The following ZNF443 variants were observed in gnomAD, a reference collection of about 807,000 sequenced individuals.
The protein encoded by ZNF443 is zinc finger protein 443, also known as Kruppel-type zinc finger (C2H2).
Under a neutral mutation model 12.0 loss-of-function variants are expected in ZNF443, and 3 were observed. The ratio of observed to expected loss-of-function variants is 0.25; its 90% confidence interval spans 0.11 to 0.64. The LOEUF is 0.64. Among genes scored for constraint, ZNF443 ranks in the 30% least tolerant of loss-of-function variants. The pLI is 0.84. For missense variants in ZNF443, 770 were observed against 808.8 expected (o/e 0.95, Z 0.58); for synonymous variants, 225 against 265.9 (o/e 0.85, Z 1.50).
Position 12,431,460 on chromosome 19 carries a change from T to C in ZNF443, c.712A>G (p.Ser238Gly). Reference sequence around the variant, plus strand: ...GTTCTTTCATGTCTTAGATAGGAACTGTAAAAAGAAAAGGCTTTAGAACAC... The same window carrying C: ...GTTCTTTCATGTCTTAGATAGGAACCGTAAAAAGAAAAGGCTTTAGAACAC... ...KQCSKAFSFY[S>G]SYLRHERTHT... Residue 238 changes from serine to glycine, a missense_variant, in exon 4 of 4, where the codon AGT becomes GGT. Ser to Gly is a moderately conservative substitution (Grantham distance 56). Around this residue, in one of 3 missense-constraint regions of ZNF443, gnomAD observed 736 missense variants for 689.4 expected, o/e 1.07. Transcript: ENST00000301547. 2 of 1,614,092 alleles carry C rather than the reference T, an allele frequency of 1.2e-6. No individual in the cohort carries two copies. The highest frequency in any genetic ancestry group is 1.6e-4 in the Middle Eastern group (1 of 6,062).
chr19:12,430,557 TC>T lies in ZNF443; in HGVS notation c.1614del (p.Ala540ProfsTer8). On this transcript the variant is annotated frameshift_variant, in exon 4 of 4. Transcript: ENST00000301547. LOFTEE classifies it low-confidence loss of function (END_TRUNC). Reference sequence around the variant, plus strand: ...AAGTTATCATAATGACCGAAGGCTTTCCTACATGTTTTACACTCATAAGGTT... The same window carrying T: ...AAGTTATCATAATGACCGAAGGCTTTCTACATGTTTTACACTCATAAGGTT... Reference protein sequence around the residue: ...GEKPYECKTCRKAFGHYDNLK... With the variant: ...GEKPYECKTCXKAFGHYDNLK... 1 of 1,614,118 alleles carries T rather than the reference TC, an allele frequency of 6.2e-7. No individual in the cohort carries two copies. Among genetic ancestry groups the T allele is most frequent in the Non-Finnish European group, 8.5e-7 (1 of 1,179,988 alleles).
rs199916813 is a variant in ZNF443 at position 12,430,894 on chromosome 19, A to G, written c.1278T>C (p.Cys426=). Residue 426 remains cysteine, a synonymous_variant, in exon 4 of 4, where the codon TGT becomes TGC. Coordinates refer to ENST00000301547, the MANE Select transcript of ZNF443 (RefSeq NM_005815.5). ...CACTGGGATAAACAAAGGCTTTCCC[A>G]CATACCTTGCATTTATGAGGTCCAT... ...TGDGPHKCKV[C]GKAFVYPSVF... The G allele has an allele frequency of 1.9e-6, 3 of 1,613,982 alleles. No homozygotes were observed.
chr19:12,439,114 T>A (rs1275015618), intron 1 of ZNF443, among the ~76,000 whole-genome samples: 1 of 152,160 alleles, frequency 6.6e-6, no homozygotes, highest in Non-Finnish European at 1.5e-5. Flanking sequence ...TAGGAGACAC[T>A]GCCTTGTGTG....
intron 1 of ZNF443, among the ~76,000 whole-genome samples, chr19:12,433,689 A>T (rs968641461): frequency 3.3e-5 from 5 of 152,122 alleles, no homozygotes; most frequent in African/African-American, 4.8e-5. Flanking sequence ...ATGCAAAAAA[A>T]ATATAGTATT....
chr19:12,439,243 G>T (rs1970342370), intron 1 of ZNF443, among the ~76,000 whole-genome samples: 2 of 152,038 alleles, frequency 1.3e-5, no homozygotes, highest in Non-Finnish European at 2.9e-5. Context: ...TTTTTCCTAT[G>T]GAATATGACC....
chr19:12,434,628 A>G (rs1189208355), intron 1 of ZNF443, among the ~76,000 whole-genome samples: 2 of 152,170 alleles, frequency 1.3e-5, no homozygotes, highest in Non-Finnish European at 2.9e-5. Flanking sequence ...TCTCACCAAG[A>G]AAGTGCAGCT....
rs1268653260 is a variant in ZNF443, at chr19:12,431,811, A to C, written c.361T>G (p.Tyr121Asp). 1 of 1,614,040 alleles carries C rather than the reference A, an allele frequency of 6.2e-7. No homozygotes were observed. Residue 121 changes from tyrosine to aspartate, a missense_variant, in exon 4 of 4, where the codon TAC (tyrosine) becomes GAC (aspartate). Physicochemically the swap from Tyr to Asp is radical, Grantham distance 160. This residue lies in a region of ZNF443 where 736 missense variants were observed against 689.4 expected (regional missense o/e 1.07). Coordinates refer to ENST00000301547, the MANE Select transcript of ZNF443 (RefSeq NM_005815.5). ...KVMGHSSLNC[Y>D]IRVGAGHKPH... ...TTGTGCCCAGCACCAACTCTGATGTAACAATTAAGGGATGAATGACCCATG... is the reference window on the plus strand; with the variant it reads ...TTGTGCCCAGCACCAACTCTGATGTCACAATTAAGGGATGAATGACCCATG...
rs1970253850 is a variant in ZNF443 at position 12,431,517 on chromosome 19, G to A, written c.655C>T (p.His219Tyr). ...PSLLHMHERTHTGEKPYECKQ... is the reference protein window; with the variant it reads ...PSLLHMHERTYTGEKPYECKQ... ...CATTCATATGGTTTCTCTCCAGTGT[G>A]CGTTCTTTCATGCATATGTAATAAA... Residue 219 changes from histidine to tyrosine, a missense_variant, in exon 4 of 4, where the codon CAC becomes TAC. Transcript: ENST00000301547. The A allele has an allele frequency of 1.2e-6, 2 of 1,614,112 alleles. No individual in the cohort carries two copies. The highest frequency in any genetic ancestry group is 3.3e-4 in the Middle Eastern group (2 of 6,062).
In ZNF443 at chr19:12,430,574, T is replaced by A. The variant is rs1269392057; in HGVS notation, c.1598A>T (p.Glu533Val). Residue 533 changes from glutamate (E) to valine (V), a missense_variant, in exon 4 of 4, where the codon GAG becomes GTG. Physicochemically the swap from Glu to Val is moderately radical, Grantham distance 121. Around this residue, in one of 3 missense-constraint regions of ZNF443, gnomAD observed 736 missense variants for 689.4 expected, o/e 1.07. Coordinates refer to ENST00000301547, the MANE Select transcript of ZNF443 (RefSeq NM_005815.5). Reference sequence around the variant, plus strand: ...GAAGGCTTTCCTACATGTTTTACACTCATAAGGTTTCTCTCCTGTGTGAGT... The same window carrying A: ...GAAGGCTTTCCTACATGTTTTACACACATAAGGTTTCTCTCCTGTGTGAGT... The part of the protein sequence containing the change: ...KRTHTGEKPY[E>V]CKTCRKAFGH... The A allele has an allele frequency of 1.2e-6, 2 of 1,614,060 alleles. No individual in the cohort carries two copies. The highest frequency in any genetic ancestry group is 3.3e-5 in the Admixed American group (2 of 60,014).
In ZNF443 at chr19:12,431,490, T is replaced by G. The variant is rs757498641; in HGVS notation, c.682A>C (p.Lys228Gln). ...THTGEKPYEC[K>Q]QCSKAFSFYS... is the part of the protein sequence containing the mutation. ...AAAGAAAAGGCTTTAGAACACTGCT[T>G]ACATTCATATGGTTTCTCTCCAGTG... The change falls in exon 4 of 4, where the codon AAG (lysine) becomes CAG (glutamine). Residue 228 changes from lysine to glutamine, a missense_variant. Lys to Gln is a moderately conservative substitution (Grantham distance 53, BLOSUM62 1). Coordinates refer to ENST00000301547, the MANE Select transcript of ZNF443 (RefSeq NM_005815.5). The G allele has an allele frequency of 6.2e-7, 1 of 1,614,168 alleles. No individual in the cohort carries two copies. Among genetic ancestry groups the G allele is most frequent in the Non-Finnish European group, 8.5e-7 (1 of 1,179,998 alleles).
At position 12,437,252 on chromosome 19, in the gene ZNF443, A is replaced by T. The variant is rs549053982; in HGVS notation, c.3+3660T>A. Among the ~76,000 whole-genome samples the T allele has an allele frequency of 4.5e-4, 64 of 142,446 alleles. 1 individual carries two copies. The highest frequency in any genetic ancestry group is 2.3e-3 in the East Asian group (12 of 5,168). The allele number at this position is 142,446 out of a possible 152,430, so 93.5% of individuals were successfully genotyped here. A position where few individuals can be genotyped will look rare whatever the true frequency, so the allele number is the denominator to read the frequency against. ...ACGTGTAAAAAATTAAATAAATAAA[A>T]AAAAAATTAGCCAGGTGTGGTGGCC... On this transcript the variant is annotated intron_variant, in intron 1 of 3. Transcript: ENST00000301547.
Position 12,430,453 on chromosome 19 carries a change from A to T in ZNF443, c.1719T>A (p.Thr573=). Residue 573 remains threonine (T), a synonymous_variant, in exon 4 of 4, where the codon ACT becomes ACA. Transcript: ENST00000301547. ...GAATTCTTTCATGTCGTAGAAAGCA[A>T]GTGAGCCAAGAGAATGCTTTCCCAC... ...KECGKAFSWL[T]CFLRHERIHM... The T allele has an allele frequency of 6.2e-7, 1 of 1,606,666 alleles. No homozygotes were observed. The highest frequency in any genetic ancestry group is 1.1e-5 in the South Asian group (1 of 89,294).
chr19:12,431,207 C>G lies in ZNF443; in HGVS notation c.965G>C (p.Gly322Ala). 1 of 1,613,528 alleles carries G rather than the reference C, an allele frequency of 6.2e-7. No individual in the cohort carries two copies. Among genetic ancestry groups the G allele is most frequent in the Non-Finnish European group, 8.5e-7 (1 of 1,179,798 alleles). Residue 322 changes from glycine (G) to alanine (A), a missense_variant, in exon 4 of 4, where the codon GGT becomes GCT. By Grantham distance (60) the Gly-to-Ala change is moderately conservative. Transcript: ENST00000301547. ...KQCGKAFSVS[G>A]SLQRHETTHS... ...AGTGGTTTCATGTCTTTGAAGGGAA[C>G]CGGAAACACTGAAGGCTTTCCCACA...
Position 12,431,528 on chromosome 19 carries a change from T to C in ZNF443, c.644A>G (p.His215Arg). The C allele has an allele frequency of 1.9e-6, 3 of 1,614,168 alleles. No homozygotes were observed. Among genetic ancestry groups the C allele is most frequent in the Admixed American group, 1.7e-5 (1 of 60,030 alleles). Reference sequence around the variant, plus strand: ...TTTCTCTCCAGTGTGCGTTCTTTCATGCATATGTAATAAACTGGGCCAAAA... The same window carrying C: ...TTTCTCTCCAGTGTGCGTTCTTTCACGCATATGTAATAAACTGGGCCAAAA... The part of the protein sequence containing the change: ...AFFWPSLLHM[H>R]ERTHTGEKPY... Residue 215 changes from histidine to arginine, a missense_variant, in exon 4 of 4, where the codon CAT becomes CGT. Physicochemically the swap from His to Arg is conservative, Grantham distance 29. Coordinates refer to ENST00000301547, the MANE Select transcript of ZNF443 (RefSeq NM_005815.5).
chr19:12,439,095 C>G (rs1970341243), intron 1 of ZNF443, among the ~76,000 whole-genome samples: 1 of 152,038 alleles, frequency 6.6e-6, no homozygotes, highest in South Asian at 2.1e-4. Flanking sequence ...GAGACACTCA[C>G]CACCCTCCTA....
In ZNF443 at chr19:12,430,611, G is replaced by A. The variant is rs368184112; in HGVS notation, c.1561C>T (p.Arg521Ter). The change falls in exon 4 of 4, where the codon CGA becomes TGA. Residue 521 changes from arginine to a stop codon, truncating the protein, a stop_gained. Coordinates refer to ENST00000301547, the MANE Select transcript of ZNF443 (RefSeq NM_005815.5). LOFTEE classifies it low-confidence loss of function (END_TRUNC). ...TCTCCTGTGTGAGTCCTTTTATGTC[G>A]AGAAAGGTATCTGAAACGACTGAAT... ...KAFSRFRYLSRHKRTHTGEKP... is the reference protein window; with the variant it reads ...KAFSRFRYLS The A allele has an allele frequency of 4.7e-4, 750 of 1,611,464 alleles. 5 individuals are homozygous for A. The South Asian group carries it at 7.3e-3, about 16-fold the overall frequency.
Position 12,431,082 on chromosome 19 carries a change from G to A in ZNF443, c.1090C>T (p.Pro364Ser), listed in dbSNP as rs1414352450. 1 of 1,614,040 alleles carries A rather than the reference G, an allele frequency of 6.2e-7. No individual in the cohort carries two copies. Among genetic ancestry groups the A allele is most frequent in the African/African-American group, 1.3e-5 (1 of 75,008 alleles). ...RHMIRHTGNG[P>S]HKCKICGKGF... is the part of the protein sequence containing the mutation. ...TTCCCACATATCTTACATTTATGAG[G>A]TCCATTTCCAGTGTGCCTTATCATG... Residue 364 changes from proline to serine, a missense_variant, in exon 4 of 4, where the codon CCT (proline) becomes TCT (serine). Physicochemically the swap from Pro to Ser is moderately conservative, Grantham distance 74. This residue lies in a region of ZNF443 where 736 missense variants were observed against 689.4 expected (regional missense o/e 1.07). Coordinates refer to ENST00000301547, the MANE Select transcript of ZNF443 (RefSeq NM_005815.5).
chr19:12,439,031 T>C (rs1970340663), intron 1 of ZNF443, among the ~76,000 whole-genome samples: 2 of 152,266 alleles, frequency 1.3e-5, no homozygotes, highest in African/African-American at 4.8e-5. Context: ...TCAGTGCAGG[T>C]CATCCTATCA....
Position 12,431,241 on chromosome 19 carries a change from A to G in ZNF443, c.931T>C (p.Cys311Arg). Residue 311 changes from cysteine (C) to arginine (R), a missense_variant, in exon 4 of 4, where the codon TGT (cysteine) becomes CGT (arginine). Coordinates refer to ENST00000301547, the MANE Select transcript of ZNF443 (RefSeq NM_005815.5). ...CTGAAGGCTTTCCCACATTGTTTAC[A>G]TGTATAGGGTTTCTCTCCAGTGTGA... ...RTHTGEKPYTCKQCGKAFSVS... is the reference protein window; with the variant it reads ...RTHTGEKPYTRKQCGKAFSVS... 6.2e-7 allele frequency: 1 copy of G among 1,614,094 alleles called. No individual in the cohort carries two copies. Among genetic ancestry groups the G allele is most frequent in the Non-Finnish European group, 8.5e-7 (1 of 1,179,960 alleles).
Sources: gnomAD v4.1 joint callset for allele counts (sites outside exome capture counted in the v4.1 genomes callset) on GRCh38, gnomAD v4.1.1 for gene constraint, gnomAD v4.1.1 regional missense constraint, MANE v1.5 for transcripts, NCBI Gene and HGNC (gene_info 2026-07-23, HGNC 2026-07-21) for gene names.